Variants in PRLR observed in about 807,000 individuals in gnomAD.
PRLR encodes the protein prolactin receptor.
PRLR carries 13 observed loss-of-function variants against 40.2 expected under a neutral mutation model. That is an observed-to-expected ratio of 0.32 (90% CI 0.21 to 0.51). The LOEUF (loss-of-function observed/expected upper bound fraction) is 0.51. PRLR is among the 20% of genes least tolerant of loss of function. The probability of loss-of-function intolerance (pLI) is 0.97; values close to 1 mark genes in which losing one functional copy is unlikely to be tolerated. For missense variants in PRLR, 656 were observed against 747.3 expected, an observed-to-expected ratio of 0.88 and a Z score of 1.42; for synonymous variants, 269 against 278.7, an observed-to-expected ratio of 0.97 and a Z score of 0.35.
intron 1 of PRLR, among the ~76,000 whole-genome samples, chr5:35,182,470 T>G (rs887899515): frequency 6.6e-6 from 1 of 152,196 alleles, no homozygotes; most frequent in Non-Finnish European, 1.5e-5. Context: ...ATCTTAAACT[T>G]AAACTACCAT....
chr5:35,120,700 G>A (rs1428252925), intron 1 of PRLR, among the ~76,000 whole-genome samples: 2 of 152,166 alleles, frequency 1.3e-5, no homozygotes, highest in Admixed American at 6.5e-5. Flanking sequence ...GAACAGGGGA[G>A]GTGATAGTAC....
intron 3 of PRLR, 58 bp from the exon 4 acceptor site, chr5:35,086,398 T>G (rs1770852121): frequency 3.8e-6 from 6 of 1,590,506 alleles, no homozygotes; most frequent in Non-Finnish European, 5.1e-6. Context: ...CATTTGACCC[T>G]TCTGCTGGTG....
At chr5:35,100,183 C>CAA (rs35912961) in intron 2 of PRLR, among the ~76,000 whole-genome samples, 5,533 of 64,864 alleles carry the variant, frequency 0.085, 326 homozygotes, top group East Asian at 0.24. Flanking sequence ...GACTCTGTCT[C>CAA]AAAAAAAAAA....
chr5:35,084,915 A>G (rs1770749974), intron 4 of PRLR, among the ~76,000 whole-genome samples: 1 of 152,070 alleles, frequency 6.6e-6, no homozygotes, highest in Non-Finnish European at 1.5e-5. Flanking sequence ...GGGGACCTAT[A>G]TTCCCTGCTG....
chr5:35,220,518 T>C (rs1166967253), intron 1 of PRLR, among the ~76,000 whole-genome samples: 7 of 152,234 alleles, frequency 4.6e-5, no homozygotes, highest in Admixed American at 4.6e-4. Context: ...TCATTGCATT[T>C]TTTTCATAGT....
chr5:35,053,426 G>A (rs919657100), downstream of PRLR, among the ~76,000 whole-genome samples: 3 of 152,188 alleles, frequency 2.0e-5, no homozygotes, highest in East Asian at 3.9e-4. Flanking sequence ...GCCGAGGCCG[G>A]CGGATCACCT....
chr5:35,091,283 C>T (rs1381182608), intron 2 of PRLR, among the ~76,000 whole-genome samples: 1 of 152,140 alleles, frequency 6.6e-6, no homozygotes, highest in Non-Finnish European at 1.5e-5. Flanking sequence ...CCCACTGCAT[C>T]TCACCCCTGA....
At chr5:35,114,064 C>T (rs1187234852) in intron 2 of PRLR, among the ~76,000 whole-genome samples, 3 of 152,134 alleles carry the variant, frequency 2.0e-5, no homozygotes, top group Non-Finnish European at 2.9e-5. Flanking sequence ...GACATTGAGG[C>T]CTAGCAGAAG....
intron 2 of PRLR, among the ~76,000 whole-genome samples, chr5:35,096,989 G>A (rs576282811): frequency 6.6e-6 from 1 of 152,238 alleles, no homozygotes; most frequent in Admixed American, 6.5e-5. Flanking sequence ...GAGCCCACTT[G>A]GAAGGACATG....
At chr5:35,075,382 G>C (rs942984990) in intron 5 of PRLR, among the ~76,000 whole-genome samples, 1 of 152,222 alleles carries the variant, frequency 6.6e-6, no homozygotes, top group Non-Finnish European at 1.5e-5. Context: ...GGCATACCAG[G>C]AGATTATATC....
At chr5:35,072,985 T>C (rs1264184373) in intron 5 of PRLR, among the ~76,000 whole-genome samples, 1 of 152,218 alleles carries the variant, frequency 6.6e-6, no homozygotes, top group Non-Finnish European at 1.5e-5. Flanking sequence ...ATTCTCCGCA[T>C]GTTCTCGCTT....
chr5:35,171,272 GAA>G (rs1270194972), intron 1 of PRLR, among the ~76,000 whole-genome samples: 10 of 152,206 alleles, frequency 6.6e-5, no homozygotes, highest in African/African-American at 2.2e-4. Flanking sequence ...GTAACAACTT[GAA>G]AGTCCCAGGA....
chr5:35,207,174 G>A (rs978733903), intron 1 of PRLR, among the ~76,000 whole-genome samples: 1 of 152,020 alleles, frequency 6.6e-6, no homozygotes, highest in Non-Finnish European at 1.5e-5. Context: ...TAGAAGTTAC[G>A]ATCAATGCTG....
rs1340043687 is a variant in PRLR, at chr5:35,057,742, A to G, written c.*7347T>C. On this transcript the variant is annotated 3_prime_UTR_variant, in exon 10 of 10. Coordinates refer to ENST00000618457, the MANE Select transcript of PRLR (RefSeq NM_000949.7). ...ACAAATCAGATAACTATAGTCTTCT[A>G]TAAATCTTTAAGTCTAAAAAAATAG... 2.0e-5 allele frequency: 3 copies of G among 152,184 alleles called. No homozygotes were observed. The highest frequency in any genetic ancestry group is 7.2e-5 in the African/African-American group (3 of 41,446). 9.4% of individuals were successfully genotyped at this position (152,184 alleles called of 1,614,324 possible).
intron 3 of PRLR, among the ~76,000 whole-genome samples, chr5:35,087,389 C>CT (rs939184822): frequency 4.0e-5 from 6 of 148,366 alleles, no homozygotes; most frequent in Non-Finnish European, 8.9e-5. Context: ...GTTTTTAGTC[C>CT]TTTTTTTTCT....
At chr5:35,207,983 A>G (rs1217627904) in intron 1 of PRLR, among the ~76,000 whole-genome samples, 1 of 152,160 alleles carries the variant, frequency 6.6e-6, no homozygotes, top group African/African-American at 2.4e-5. Context: ...ATTATTCTGG[A>G]ATAGACGGTA....
intron 1 of PRLR, among the ~76,000 whole-genome samples, chr5:35,143,551 T>C (rs1429599594): frequency 2.0e-5 from 3 of 152,252 alleles, no homozygotes; most frequent in Non-Finnish European, 4.4e-5. Flanking sequence ...TTGCAATTTC[T>C]AGTTATCTGG....
chr5:35,227,642 T>C (rs1776584903), intron 1 of PRLR, among the ~76,000 whole-genome samples: 1 of 152,234 alleles, frequency 6.6e-6, no homozygotes, highest in African/African-American at 2.4e-5. Context: ...TCCAATTTCC[T>C]TTTAAGTTTC....
intron 1 of PRLR, among the ~76,000 whole-genome samples, chr5:35,210,497 C>T (rs1367008801): frequency 6.6e-6 from 1 of 152,182 alleles, no homozygotes; most frequent in African/African-American, 2.4e-5. Flanking sequence ...ACTTTTCTCA[C>T]AGAGTCAGGA....
Sources: gnomAD v4.1 joint callset for allele counts (sites outside exome capture counted in the v4.1 genomes callset) on GRCh38, gnomAD v4.1.1 for gene constraint, MANE v1.5 for transcripts, NCBI Gene and HGNC (gene_info 2026-07-23, HGNC 2026-07-21) for gene names.